EXD3: variants seen among roughly 807,000 people sequenced by gnomAD.
EXD3 encodes exonuclease 3'-5' domain containing 3.
In EXD3, 92 loss-of-function variants were observed where a neutral mutation model predicts 98.0. The ratio of observed to expected loss-of-function variants is 0.94; its 90% CI spans 0.79 to 1.12. EXD3 has a LOEUF of 1.12. Ranked by LOEUF, EXD3 falls within the 50% of genes most tolerant of loss-of-function variation. The probability of loss-of-function intolerance (pLI) is 0.00; values close to 1 mark genes in which losing one functional copy is unlikely to be tolerated. For missense variants in EXD3, 1,222 were observed against 1,191.6 expected (o/e 1.03, Z -0.38); for synonymous variants, 569 against 526.0 (o/e 1.08, Z -1.12).
intron 8 of EXD3, among the ~76,000 whole-genome samples, chr9:137,355,621 G>GGAGAAA (rs1564508880): frequency 1.0e-3 from 4 of 3,848 alleles, no homozygotes; most frequent in African/African-American, 3.2e-3. Context: ...GAAGGAGGAA[G>GGAGAAA]GGAGGATGGA....
At chr9:137,317,037 C>T (rs1342238935) in intron 19 of EXD3, among the ~76,000 whole-genome samples, 2 of 152,238 alleles carry the variant, frequency 1.3e-5, no homozygotes, top group East Asian at 3.9e-4. Flanking sequence ...AGCTCTCCTG[C>T]TCAGCCTGAC....
At chr9:137,328,550 C>G (rs988876745) in intron 17 of EXD3, among the ~76,000 whole-genome samples, 3 of 150,226 alleles carry the variant, frequency 2.0e-5, no homozygotes, top group East Asian at 2.0e-4. Context: ...GGAAACGGGT[C>G]AAAGGGAAGA....
At position 137,403,474 on chromosome 9, in the gene EXD3, G is replaced by A. The variant is rs1437917950; in HGVS notation, c.-47-8070C>T. On this transcript the variant is annotated intron_variant, in intron 1 of 21. Coordinates refer to ENST00000340951, the MANE Select transcript of EXD3 (RefSeq NM_017820.5). This position sits in a 1 kb window ranked among gnomAD's most constrained non-coding sequence, Gnocchi z 6.1. Reference sequence around the variant, plus strand: ...TGGCCCAGGGTCTCCGAGGGTCGGGGGCCGCAGGGTCTGGCAGCACCCCAT... The same window carrying A: ...TGGCCCAGGGTCTCCGAGGGTCGGGAGCCGCAGGGTCTGGCAGCACCCCAT... Among the ~76,000 whole-genome samples the A allele has an allele frequency of 6.6e-6, 1 of 151,998 alleles. No individual in the cohort carries two copies. The highest frequency in any genetic ancestry group is 1.5e-5 in the Non-Finnish European group (1 of 68,004).
intron 6 of EXD3, 51 bp downstream of exon 6, chr9:137,367,885 G>T: frequency 1.3e-6 from 2 of 1,554,592 alleles, no homozygotes; most frequent in Non-Finnish European, 1.8e-6. Flanking sequence ...ATAGAGACCT[G>T]GGCGTTATCC....
In EXD3 at chr9:137,349,225, C is replaced by G. The variant is rs201523346; in HGVS notation, c.1715G>C (p.Arg572Pro). Reference protein sequence around the residue: ...VHQALCREPARFHLSEDLAGS... With the variant: ...VHQALCREPAPFHLSEDLAGS... The stretch of plus-strand genomic sequence containing the variant: ...AGCCAGGTCCTCCGACAGGTGGAAG[C>G]GGGCGGGCTCTCTGCACAGGGCTTG... The change falls in exon 16 of 22, where the codon CGC becomes CCC. Residue 572 changes from arginine to proline, a missense_variant. Arg to Pro is a moderately radical substitution (Grantham distance 103). Coordinates refer to ENST00000340951, the MANE Select transcript of EXD3 (RefSeq NM_017820.5). The surrounding 1 kb of genome is among the most constrained non-coding windows in gnomAD (Gnocchi z 7.4). 1.3e-6 allele frequency: 2 copies of G among 1,577,078 alleles called. No individual in the cohort carries two copies. Among genetic ancestry groups the G allele is most frequent in the East Asian group, 4.6e-5 (2 of 43,536 alleles).
intron 1 of EXD3, among the ~76,000 whole-genome samples, chr9:137,420,731 A>C: frequency 1.5e-5 from 2 of 129,720 alleles, no homozygotes; most frequent in Non-Finnish European, 1.7e-5. Flanking sequence ...TGGAGGACAG[A>C]CATTCACCCC....
At chr9:137,321,022 C>A (rs1311700512) in intron 19 of EXD3, among the ~76,000 whole-genome samples, 1 of 152,200 alleles carries the variant, frequency 6.6e-6, no homozygotes, top group African/African-American at 2.4e-5. Flanking sequence ...GCAGAGGCCG[C>A]GGTCCCCGCA....
rs1464487294 is a variant in EXD3, at chr9:137,407,498, G to A, written c.-47-12094C>T. 6.6e-6 allele frequency among the ~76,000 whole-genome samples: 1 copy of A among 152,170 alleles called. No individual in the cohort carries two copies. Among genetic ancestry groups the A allele is most frequent in the African/African-American group, 2.4e-5 (1 of 41,456 alleles). Reference sequence around the variant, plus strand: ...TCTGGCCGCTCTCGGGCTCTGCCCTGCCAGCCCCACAACCCAGAACCCAGC... The same window carrying A: ...TCTGGCCGCTCTCGGGCTCTGCCCTACCAGCCCCACAACCCAGAACCCAGC... On this transcript the variant is annotated intron_variant, in intron 1 of 21. Coordinates refer to ENST00000340951, the MANE Select transcript of EXD3 (RefSeq NM_017820.5). This position sits in a 1 kb window ranked among gnomAD's most constrained non-coding sequence, Gnocchi z 4.4.
intron 7 of EXD3, among the ~76,000 whole-genome samples, chr9:137,358,751 T>C (rs894943430): frequency 6.6e-6 from 1 of 151,456 alleles, no homozygotes; most frequent in African/African-American, 2.4e-5. Context: ...TGCAGTGGTG[T>C]GATCAAGGCT....
Position 137,373,525 on chromosome 9 carries a change from G to C in EXD3, c.195C>G (p.Ser65Arg), listed in dbSNP as rs1211055660. ...PLAGLLDMLE[S>R]CRGQRGEGPS... ...GGCCCTCTCCCCGCTGGCCCCGGCA[G>C]CTCTCCAGCATGTCCAGAAGCCCGG... The change falls in exon 4 of 22, where the codon AGC becomes AGG. Residue 65 changes from serine (S) to arginine (R), a missense_variant. Transcript: ENST00000340951. 3.7e-6 allele frequency: 6 copies of C among 1,604,618 alleles called. No individual in the cohort carries two copies. Among genetic ancestry groups the C allele is most frequent in the Non-Finnish European group, 2.5e-6 (3 of 1,176,646 alleles).
At chr9:137,333,860 C>T (rs544887323) in intron 17 of EXD3, among the ~76,000 whole-genome samples, 1 of 151,772 alleles carries the variant, frequency 6.6e-6, no homozygotes, top group Admixed American at 6.6e-5. Flanking sequence ...TTTTTTGAGA[C>T]AGAGTCTCAC....
At chr9:137,419,353 T>C (rs1838395789) in intron 1 of EXD3, among the ~76,000 whole-genome samples, 1 of 152,256 alleles carries the variant, frequency 6.6e-6, no homozygotes, top group South Asian at 2.1e-4. Flanking sequence ...AGAAAATTAC[T>C]GTTTTACTTT....
chr9:137,349,391 G>T lies in EXD3; in HGVS notation c.1635C>A (p.Cys545Ter). ...QLSNWDRRPL[C>*]EEQVIYAAAD... ...CACCTGCGTAGATGACCTGCTCCTCGCAGAGCGGCCTCCGGTCCCAGTTGG... is the reference window on the plus strand; with the variant it reads ...CACCTGCGTAGATGACCTGCTCCTCTCAGAGCGGCCTCCGGTCCCAGTTGG... Residue 545 changes from cysteine (C) to a stop codon, truncating the protein, a stop_gained, in exon 15 of 22, where the codon TGC (cysteine) becomes TGA (stop). Transcript: ENST00000340951. LOFTEE classifies it high-confidence loss of function. The surrounding 1 kb of genome is among the most constrained non-coding windows in gnomAD (Gnocchi z 7.4). The T allele has an allele frequency of 6.3e-7, 1 of 1,592,428 alleles. No homozygotes were observed. The highest frequency in any genetic ancestry group is 1.1e-5 in the South Asian group (1 of 88,478).
intron 19 of EXD3, among the ~76,000 whole-genome samples, chr9:137,315,863 G>C (rs979056314): frequency 6.6e-6 from 1 of 151,686 alleles, no homozygotes; most frequent in Admixed American, 6.6e-5. Flanking sequence ...CAGAAGCCGG[G>C]CCACACAGGG....
At chr9:137,418,693 AGTTT>A (rs1293848106) in intron 1 of EXD3, among the ~76,000 whole-genome samples, 5 of 152,144 alleles carry the variant, frequency 3.3e-5, no homozygotes, top group Non-Finnish European at 7.4e-5. Context: ...AGAAAAGCAG[AGTTT>A]GTTTTTCTTT....
chr9:137,418,726 G>A (rs1049883341), intron 1 of EXD3, among the ~76,000 whole-genome samples: 2 of 151,738 alleles, frequency 1.3e-5, no homozygotes, highest in Admixed American at 6.6e-5. Context: ...ATTTCGTGTA[G>A]TAATAAGAGA....
chr9:137,336,174 A>G (rs1288513748), intron 17 of EXD3, among the ~76,000 whole-genome samples: 1 of 152,162 alleles, frequency 6.6e-6, no homozygotes, highest in Non-Finnish European at 1.5e-5. Context: ...GGATAAAAAG[A>G]CGACATATTG....
At chr9:137,309,843 C>G in intron 19 of EXD3, 143 bp from the exon 20 acceptor site, 2 of 653,598 alleles carry the variant, frequency 3.1e-6, no homozygotes, top group Non-Finnish European at 5.4e-6. Context: ...TGTCCCCACG[C>G]ATAGTCCTGT....
Position 137,395,697 on chromosome 9 carries a change from G to A in EXD3, c.-47-293C>T, listed in dbSNP as rs1026216824. The stretch of plus-strand genomic sequence containing the variant: ...GGGGGCACAGTAGACAGACCCTCGC[G>A]GGAGTGCAGAGGGGCCTGTTCTTGA... On this transcript the variant is annotated intron_variant, in intron 1 of 21. Coordinates refer to ENST00000340951, the MANE Select transcript of EXD3 (RefSeq NM_017820.5). This position sits in a 1 kb window ranked among gnomAD's most constrained non-coding sequence, Gnocchi z 6.5. 3.9e-5 allele frequency among the ~76,000 whole-genome samples: 6 copies of A among 152,234 alleles called. No individual in the cohort carries two copies. Among genetic ancestry groups the A allele is most frequent in the South Asian group, 4.1e-4 (2 of 4,834 alleles).
Sources: allele counts gnomAD v4.1 joint callset (sites outside exome capture counted in the v4.1 genomes callset), GRCh38; gene constraint gnomAD v4.1.1; non-coding constraint Gnocchi (gnomAD v3.1); transcripts MANE v1.5; gene names NCBI Gene and HGNC (gene_info 2026-07-23, HGNC 2026-07-21).